Variants in CNKSR2 observed in about 807,000 individuals in gnomAD.
The protein encoded by CNKSR2 is CNK homolog protein 2.
CNKSR2 carries 14 observed loss-of-function variants against 84.4 expected under a neutral mutation model. The observed-to-expected ratio is 0.17, with a 90% confidence interval of 0.11 to 0.26. CNKSR2 has a LOEUF of 0.26. Ranked by LOEUF, CNKSR2 falls within the 10% of genes least tolerant of loss-of-function variation. The pLI, the probability that CNKSR2 is intolerant of heterozygous loss-of-function variation, is 1.00. For missense variants in CNKSR2, 485 were observed against 771.2 expected, an observed-to-expected ratio of 0.63 and a Z score of 4.40; for synonymous variants, 275 against 277.9, an observed-to-expected ratio of 0.99 and a Z score of 0.10.
At chrX:21,531,741 T>C in intron 10 of CNKSR2, 115 bp from the exon 11 acceptor site, 1 of 422,024 alleles carries the variant, frequency 2.4e-6, no homozygotes, top group Non-Finnish European at 4.0e-6. Context: ...AAAGAAAGTT[T>C]GAAAAGGTCA....
intron 13 of CNKSR2, among the ~76,000 whole-genome samples, chrX:21,589,023 G>T (rs1459023996): frequency 8.9e-6 from 1 of 112,455 alleles, no homozygotes; most frequent in Non-Finnish European, 1.9e-5. Flanking sequence ...GTGCATTCAA[G>T]AAAATCAACA....
rs780321431 is a variant in CNKSR2, at chrX:21,652,292, C to T, written c.2890-14C>T. 1 of 1,176,842 alleles carries T rather than the reference C, an allele frequency of 8.5e-7. No homozygotes were observed. The highest frequency in any genetic ancestry group is 1.8e-5 in the African/African-American group (1 of 56,406). Reference sequence around the variant, plus strand: ...TTGTCCCTGTCTTAATTGTTGAATCCTTTTTCTTTTCAGGCCAGAGAAGGG... The same window carrying T: ...TTGTCCCTGTCTTAATTGTTGAATCTTTTTTCTTTTCAGGCCAGAGAAGGG... On this transcript the variant is annotated splice_polypyrimidine_tract_variant and intron_variant, in intron 21 of 21. Transcript: ENST00000379510.
intron 5 of CNKSR2, among the ~76,000 whole-genome samples, chrX:21,474,958 A>G (rs1182397374): frequency 2.7e-5 from 3 of 112,377 alleles, no homozygotes; most frequent in South Asian, 3.7e-4. Flanking sequence ...CATTAACTTT[A>G]AATTATGTGT....
At chrX:21,617,936 C>T (rs1487792376) in intron 20 of CNKSR2, among the ~76,000 whole-genome samples, 1 of 88,735 alleles carries the variant, frequency 1.1e-5, no homozygotes, top group African/African-American at 4.2e-5. Context: ...CACCCCGACT[C>T]ATACATCAGA....
chrX:21,490,817 A>G (rs1405695149), intron 6 of CNKSR2: 13 of 209,585 alleles, frequency 6.2e-5, no homozygotes, highest in Non-Finnish European at 7.6e-5. Flanking sequence ...TTAATTTGGT[A>G]CTCATTTAGC....
intron 20 of CNKSR2, among the ~76,000 whole-genome samples, chrX:21,622,728 C>T (rs1314129057): frequency 9.0e-6 from 1 of 111,658 alleles, no homozygotes; most frequent in Non-Finnish European, 1.9e-5. Flanking sequence ...ATGAAACCAT[C>T]AGGGTTTAAA....
intron 5 of CNKSR2, among the ~76,000 whole-genome samples, chrX:21,472,276 G>C (rs930778355): frequency 8.9e-6 from 1 of 112,056 alleles, no homozygotes; most frequent in African/African-American, 3.2e-5. Flanking sequence ...TCTTTCTGAA[G>C]TATTGAATTT....
intron 8 of CNKSR2, among the ~76,000 whole-genome samples, chrX:21,507,381 A>G (rs1030048883): frequency 1.8e-5 from 2 of 111,275 alleles, no homozygotes; most frequent in African/African-American, 6.5e-5. Flanking sequence ...AAAATGGTAT[A>G]TAGAATTCAC....
chrX:21,605,203 T>C (rs2092509170), intron 18 of CNKSR2, among the ~76,000 whole-genome samples: 1 of 111,862 alleles, frequency 8.9e-6, no homozygotes, highest in Non-Finnish European at 1.9e-5. Context: ...TGTCTGACTA[T>C]ATAGTTAATG....
chrX:21,487,796 G>A (rs568607164), intron 5 of CNKSR2, among the ~76,000 whole-genome samples: 5 of 112,326 alleles, frequency 4.5e-5, no homozygotes, highest in African/African-American at 1.3e-4. Context: ...ATATTTTTAA[G>A]ACAAATTTTT....
chrX:21,551,273 G>A (rs1220790681), intron 11 of CNKSR2, among the ~76,000 whole-genome samples: 2 of 111,540 alleles, frequency 1.8e-5, no homozygotes, highest in East Asian at 5.7e-4. Context: ...TAGATGATGG[G>A]TTGATGGGTG....
At chrX:21,398,454 T>C (rs1254573471) in intron 1 of CNKSR2, among the ~76,000 whole-genome samples, 1 of 112,361 alleles carries the variant, frequency 8.9e-6, no homozygotes, top group African/African-American at 3.2e-5. Context: ...TTTTTAGGTA[T>C]TGTATTTTTC....
intron 1 of CNKSR2, among the ~76,000 whole-genome samples, chrX:21,414,818 C>G: frequency 9.0e-6 from 1 of 111,659 alleles, no homozygotes; most frequent in East Asian, 2.8e-4. Flanking sequence ...TGGCCTTCTC[C>G]AGTGTATGTC....
chrX:21,432,118 T>A (rs1478698613), intron 2 of CNKSR2, among the ~76,000 whole-genome samples: 1 of 111,610 alleles, frequency 9.0e-6, no homozygotes, highest in Non-Finnish European at 1.9e-5. Context: ...TTTTATCTGA[T>A]TTATTTACCT....
At chrX:21,541,326 G>A (rs1019376971) in intron 11 of CNKSR2, among the ~76,000 whole-genome samples, 3 of 111,713 alleles carry the variant, frequency 2.7e-5, no homozygotes, top group African/African-American at 9.8e-5. Context: ...ATTTAACGAA[G>A]ATTCTTATGT....
intron 1 of CNKSR2, among the ~76,000 whole-genome samples, chrX:21,382,807 T>C (rs908527013): frequency 9.9e-5 from 11 of 111,595 alleles, no homozygotes; most frequent in African/African-American, 3.6e-4. Flanking sequence ...TTTTTCACCG[T>C]TCCCTCTGAT....
Position 21,650,456 on chromosome X carries a change from T to C in CNKSR2, c.2889+1429T>C, listed in dbSNP as rs771741718. Among the ~76,000 whole-genome samples, 11 of 107,315 alleles carry C rather than the reference T, an allele frequency of 1.0e-4. No individual in the cohort carries two copies. The East Asian group carries it at 3.3e-3, about 32-fold the overall frequency. The allele number at this position is 107,315 out of a possible 115,157, so 93.2% of individuals were successfully genotyped here. ...TGGGGGGCTAGGGGAGGGATAGCAT[T>C]AGGAGAACTACCTAATGTAGATGAT... On this transcript the variant is annotated intron_variant, in intron 21 of 21. Transcript: ENST00000379510.
chrX:21,572,625 C>T (rs1197764691), intron 13 of CNKSR2, among the ~76,000 whole-genome samples: 1 of 111,216 alleles, frequency 9.0e-6, no homozygotes, highest in Non-Finnish European at 1.9e-5. Context: ...CAAGGAAAAC[C>T]GCAGAGCAAA....
rs1569131521 is a variant in CNKSR2, at chrX:21,374,633, C to CAGCA, written c.-265_-264insAGCA. On this transcript the variant is annotated 5_prime_UTR_variant, in exon 1 of 22. Transcript: ENST00000379510. ...CAGCAGCAGCAGCAGCAGCAGCAGC[C>CAGCA]GCCGCCGCCGCCGCCTTAGCGGGAA... is the stretch of plus-strand genomic sequence containing the variant. 1,245 of 452,048 alleles carry CAGCA rather than the reference C, an allele frequency of 2.8e-3. 14 individuals carry two copies. Among genetic ancestry groups the CAGCA allele is most frequent in the African/African-American group, 0.027 (1,057 of 39,238 alleles). 37.3% of individuals were successfully genotyped at this position (452,048 alleles called of 1,213,427 possible).
Sources: gnomAD v4.1 joint callset for allele counts (sites outside exome capture counted in the v4.1 genomes callset) on GRCh38, gnomAD v4.1.1 for gene constraint, MANE v1.5 for transcripts, NCBI Gene and HGNC (gene_info 2026-07-23, HGNC 2026-07-21) for gene names.